The following FUBP3 variants were observed in gnomAD, a reference collection of about 807,000 sequenced individuals.
The protein encoded by FUBP3 is far upstream element binding protein 3.
In FUBP3, 28 loss-of-function variants were observed where a neutral mutation model predicts 85.6. The observed-to-expected ratio is 0.33, with a 90% CI of 0.24 to 0.45. The LOEUF is 0.45. Ranked by LOEUF, FUBP3 falls within the 20% of genes least tolerant of loss-of-function variation. The pLI is 1.00. For missense variants in FUBP3, 583 were observed against 755.1 expected, an observed-to-expected ratio of 0.77 and a Z score of 2.67; for synonymous variants, 271 against 271.4, an observed-to-expected ratio of 1.00 and a Z score of 0.01.
chr9:130,637,243 TA>T lies in FUBP3; in HGVS notation c.*223del. The T allele has an allele frequency of 1.7e-6, 1 of 574,486 alleles. No individual in the cohort carries two copies. Among genetic ancestry groups the T allele is most frequent in the Admixed American group, 2.9e-5 (1 of 34,476 alleles). The allele number at this position is 574,486 out of a possible 1,614,324, so 35.6% of individuals were successfully genotyped here. A position where few individuals can be genotyped will look rare whatever the true frequency, so the allele number is the denominator to read the frequency against. On this transcript the variant is annotated 3_prime_UTR_variant, in exon 19 of 19. Transcript: ENST00000319725. ...CATTATTTTTGTTATTTCAAATGTATAAGCTCTGGGATTCTTTTTGGAGCAA... is the reference window on the plus strand; with the variant it reads ...CATTATTTTTGTTATTTCAAATGTATAGCTCTGGGATTCTTTTTGGAGCAA...
intron 2 of FUBP3, among the ~76,000 whole-genome samples, chr9:130,601,422 T>C (rs1397017435): frequency 2.0e-5 from 3 of 152,166 alleles, no homozygotes; most frequent in South Asian, 2.1e-4. Flanking sequence ...GGAGCTTTTT[T>C]AGTTGAACTA....
intron 12 of FUBP3, among the ~76,000 whole-genome samples, chr9:130,628,250 A>G (rs555467931): frequency 9.9e-5 from 15 of 152,200 alleles, no homozygotes; most frequent in Non-Finnish European, 1.5e-4. Flanking sequence ...GGACAGACAC[A>G]GAGCCTCCCT....
At chr9:130,628,360 C>T (rs1438548939) in intron 12 of FUBP3, among the ~76,000 whole-genome samples, 1 of 152,208 alleles carries the variant, frequency 6.6e-6, no homozygotes, top group East Asian at 1.9e-4. Flanking sequence ...TGATTAATTG[C>T]TTTACGATTT....
chr9:130,614,846 T>C (rs1831921543), intron 6 of FUBP3, among the ~76,000 whole-genome samples: 1 of 152,222 alleles, frequency 6.6e-6, no homozygotes, highest in Non-Finnish European at 1.5e-5. Context: ...GTCTTGACTT[T>C]TGGCGCCCTT....
chr9:130,612,558 C>T lies in FUBP3; in HGVS notation c.274+53C>T, dbSNP rs1445160700. The T allele has an allele frequency of 1.8e-6, 2 of 1,105,872 alleles. No homozygotes were observed. Among genetic ancestry groups the T allele is most frequent in the East Asian group, 2.3e-5 (1 of 42,628 alleles). The allele number at this position is 1,105,872 out of a possible 1,614,324, so 68.5% of individuals were successfully genotyped here. ...CCTGATTCCTGTCTCTTCTTTTTCT[C>T]TCTTTTTTTCTGAGCTGCTTTGCCA... On this transcript the variant is annotated intron_variant, in intron 4 of 18. Coordinates refer to ENST00000319725, the MANE Select transcript of FUBP3 (RefSeq NM_003934.2). The surrounding 1 kb of genome is among the most constrained non-coding windows in gnomAD (Gnocchi z 4.1).
chr9:130,593,745 G>A (rs568054973), intron 1 of FUBP3, among the ~76,000 whole-genome samples: 1 of 152,306 alleles, frequency 6.6e-6, no homozygotes, highest in East Asian at 1.9e-4. Context: ...TGTGCTAGCT[G>A]CCCCCAATAG....
intron 11 of FUBP3, among the ~76,000 whole-genome samples, chr9:130,624,637 GT>G (rs1829894103): frequency 6.6e-6 from 1 of 150,426 alleles, no homozygotes. Flanking sequence ...GTGTGTGTGT[GT>G]GTGTGTGTGT....
At chr9:130,626,803 T>TG (rs373335241) in intron 12 of FUBP3, among the ~76,000 whole-genome samples, 1 of 152,052 alleles carries the variant, frequency 6.6e-6, no homozygotes, top group Non-Finnish European at 1.5e-5. Flanking sequence ...TTGCGCAAGA[T>TG]GGGGGGCATT....
At chr9:130,604,949 G>GT (rs1831347245) in intron 2 of FUBP3, among the ~76,000 whole-genome samples, 1 of 151,452 alleles carries the variant, frequency 6.6e-6, no homozygotes, top group South Asian at 2.1e-4. Flanking sequence ...GAGAAAAACT[G>GT]TTTCCATCAG....
chr9:130,633,332 C>A (rs1469003192), intron 16 of FUBP3, among the ~76,000 whole-genome samples: 1 of 152,270 alleles, frequency 6.6e-6, no homozygotes. Flanking sequence ...CCATCCATCC[C>A]CTTTCCCTCT....
At chr9:130,614,233 G>A in intron 5 of FUBP3, 55 bp from the exon 6 acceptor site, 3 of 1,104,918 alleles carry the variant, frequency 2.7e-6, no homozygotes, top group South Asian at 2.5e-5. Flanking sequence ...CAGAGGCAGA[G>A]GTGCATGTGC....
chr9:130,589,584 TC>T (rs908797880), intron 1 of FUBP3, among the ~76,000 whole-genome samples: 2 of 149,616 alleles, frequency 1.3e-5, no homozygotes, highest in African/African-American at 4.9e-5. Context: ...GCTCAAGTGA[TC>T]CACCAGCCTT....
At chr9:130,589,043 G>A (rs768161869) in intron 1 of FUBP3, among the ~76,000 whole-genome samples, 9 of 152,158 alleles carry the variant, frequency 5.9e-5, no homozygotes, top group Non-Finnish European at 1.0e-4. Flanking sequence ...CAGGATCCCT[G>A]TTGAGTAGCA....
chr9:130,603,702 A>G (rs1831280692), intron 2 of FUBP3, among the ~76,000 whole-genome samples: 1 of 152,212 alleles, frequency 6.6e-6, no homozygotes. Flanking sequence ...TGTGACAAAA[A>G]TATAACTCGA....
chr9:130,582,598 A>G (rs181085999), intron 1 of FUBP3, among the ~76,000 whole-genome samples: 14 of 152,352 alleles, frequency 9.2e-5, no homozygotes, highest in Non-Finnish European at 1.6e-4. Context: ...TTCTTCAACT[A>G]GTTCAGATAA....
chr9:130,620,227 G>A, intron 8 of FUBP3, 127 bp from the exon 9 acceptor site: 1 of 552,876 alleles, frequency 1.8e-6, no homozygotes. Flanking sequence ...TAAGCCATAA[G>A]TGAATTGTCC....
At chr9:130,615,769 C>G (rs898219822) in intron 6 of FUBP3, among the ~76,000 whole-genome samples, 1 of 152,206 alleles carries the variant, frequency 6.6e-6, no homozygotes, top group Admixed American at 6.5e-5. Context: ...CACCGCCTCC[C>G]CCTTTCCCAC....
At chr9:130,615,176 C>G (rs1831938523) in intron 6 of FUBP3, among the ~76,000 whole-genome samples, 2 of 152,202 alleles carry the variant, frequency 1.3e-5, no homozygotes, top group Non-Finnish European at 1.5e-5. Context: ...GTGTGCATTA[C>G]AGGGCAACTG....
At chr9:130,618,702 G>C (rs755172951) in intron 8 of FUBP3, among the ~76,000 whole-genome samples, 3 of 152,212 alleles carry the variant, frequency 2.0e-5, no homozygotes, top group Non-Finnish European at 4.4e-5. Context: ...TCCTTGGTGA[G>C]CCAGGCCACC....
Sources: gnomAD v4.1 joint callset for allele counts (sites outside exome capture counted in the v4.1 genomes callset) on GRCh38, gnomAD v4.1.1 for gene constraint, Gnocchi (gnomAD v3.1) non-coding constraint, MANE v1.5 for transcripts, NCBI Gene and HGNC (gene_info 2026-07-23, HGNC 2026-07-21) for gene names.